The following PAPPA variants were observed in gnomAD, a reference collection of about 807,000 sequenced individuals.
PAPPA encodes pappalysin 1, also known as pappalysin-1.
In PAPPA, 60 loss-of-function variants were observed where a neutral mutation model predicts 164.0. The ratio of observed to expected loss-of-function variants is 0.37; its 90% CI spans 0.30 to 0.45. The LOEUF is 0.45. PAPPA is among the 20% of genes least tolerant of loss of function. The pLI is 1.00. For missense variants in PAPPA, 1,782 were observed against 2,087.3 expected (o/e 0.85, Z 2.85); for synonymous variants, 875 against 814.1 (o/e 1.07, Z -1.27).
Position 116,154,561 on chromosome 9 carries a change from G to T in PAPPA, c.389G>T (p.Gly130Val). 1.4e-6 allele frequency: 2 copies of T among 1,405,058 alleles called. No individual in the cohort carries two copies. The highest frequency in any genetic ancestry group is 1.9e-6 in the Non-Finnish European group (2 of 1,077,504). 87.0% of individuals were successfully genotyped at this position (1,405,058 alleles called of 1,614,324 possible). Reference protein sequence around the residue: ...TLQVWLRAEGGQRSPAVITGL... With the variant: ...TLQVWLRAEGVQRSPAVITGL... Reference sequence around the variant, plus strand: ...CAAGTGTGGCTGCGAGCGGAGGGGGGCCAGAGGTCTCCGGCAGTGATCACA... The same window carrying T: ...CAAGTGTGGCTGCGAGCGGAGGGGGTCCAGAGGTCTCCGGCAGTGATCACA... Residue 130 changes from glycine to valine, a missense_variant, in exon 1 of 22, where the codon GGC becomes GTC. Gly to Val is a moderately radical substitution (Grantham distance 109). Around this residue, in one of 2 missense-constraint regions of PAPPA, gnomAD observed 458 missense variants for 430.3 expected, o/e 1.06. Coordinates refer to ENST00000328252, the MANE Select transcript of PAPPA (RefSeq NM_002581.5). The surrounding 1 kb of genome is among the most constrained non-coding windows in gnomAD (Gnocchi z 5.2).
intron 13 of PAPPA, among the ~76,000 whole-genome samples, chr9:116,341,451 A>T (rs906748523): frequency 6.6e-6 from 1 of 152,108 alleles, no homozygotes; most frequent in Admixed American, 6.5e-5. Flanking sequence ...CTCTGCCCCA[A>T]ACCTGTGTAT....
At chr9:116,195,327 G>C (rs1430471439) in intron 2 of PAPPA, among the ~76,000 whole-genome samples, 1 of 145,260 alleles carries the variant, frequency 6.9e-6, no homozygotes, top group Non-Finnish European at 1.5e-5. Context: ...CTTAAGAGCA[G>C]AATAGAGGGG....
intron 4 of PAPPA, among the ~76,000 whole-genome samples, chr9:116,217,867 AC>A (rs1351616252): frequency 6.6e-6 from 1 of 152,184 alleles, no homozygotes; most frequent in Non-Finnish European, 1.5e-5. Flanking sequence ...TTCTGTGTGC[AC>A]TAATCTAGTC....
intron 10 of PAPPA, among the ~76,000 whole-genome samples, chr9:116,319,985 T>C (rs187505834): frequency 6.6e-6 from 1 of 152,330 alleles, no homozygotes; most frequent in East Asian, 1.9e-4. Context: ...TTGAGACATC[T>C]ATCTGTTGTC....
intron 7 of PAPPA, among the ~76,000 whole-genome samples, chr9:116,248,587 C>G (rs745372401): frequency 6.6e-6 from 1 of 152,180 alleles, no homozygotes; most frequent in Non-Finnish European, 1.5e-5. Context: ...CTAGACCCAG[C>G]CTCTCTCTTA....
rs867106756 is a variant in PAPPA, at chr9:116,235,573, C to T, written c.2668C>T (p.Arg890Trp). Residue 890 changes from arginine (R) to tryptophan (W), a missense_variant, in exon 7 of 22, where the codon CGG becomes TGG. Arg to Trp is a moderately radical substitution (Grantham distance 101). This residue lies in a region of PAPPA where 1,324 missense variants were observed against 1,656.9 expected (regional missense o/e 0.80). Coordinates refer to ENST00000328252, the MANE Select transcript of PAPPA (RefSeq NM_002581.5). ...TAAGCCCCTGAAGTATAAGGTGGTC[C>T]GGGACCCTCCTCTCCAGATGGATGT... Reference protein sequence around the residue: ...QCKPLKYKVVRDPPLQMDVAS... With the variant: ...QCKPLKYKVVWDPPLQMDVAS... 3.1e-6 allele frequency: 5 copies of T among 1,613,498 alleles called. No individual in the cohort carries two copies. The highest frequency in any genetic ancestry group is 4.2e-6 in the Non-Finnish European group (5 of 1,179,922).
chr9:116,359,386 A>G (rs1045986439), intron 17 of PAPPA, among the ~76,000 whole-genome samples: 1 of 152,226 alleles, frequency 6.6e-6, no homozygotes, highest in Non-Finnish European at 1.5e-5. Flanking sequence ...ACAGATGCAC[A>G]GGCACAGAGA....
At position 116,271,653 on chromosome 9, in the gene PAPPA, A is replaced by G. The variant is rs1032404402; in HGVS notation, c.2953+237A>G. ...AGCTTAAGCTCTCATAGATGATGCC[A>G]ATGACGGGTAACTTCTTTTGATCAA... On this transcript the variant is annotated intron_variant, in intron 9 of 21. Transcript: ENST00000328252. The surrounding 1 kb of genome is among the most constrained non-coding windows in gnomAD (Gnocchi z 4.2). Among the ~76,000 whole-genome samples the G allele has an allele frequency of 8.5e-5, 13 of 152,356 alleles. No individual in the cohort carries two copies. The highest frequency in any genetic ancestry group is 4.6e-4 in the Admixed American group (7 of 15,308).
chr9:116,154,011 C>G lies in PAPPA; in HGVS notation c.-162C>G. ...AAGGTGGGGAGAGTGGAGCACACAC[C>G]TTGAGGAGGAAAGCGAGAAAGAAAA... On this transcript the variant is annotated 5_prime_UTR_variant, in exon 1 of 22. Coordinates refer to ENST00000328252, the MANE Select transcript of PAPPA (RefSeq NM_002581.5). The surrounding 1 kb of genome is among the most constrained non-coding windows in gnomAD (Gnocchi z 5.2). The G allele has an allele frequency of 2.2e-6, 2 of 926,078 alleles. No homozygotes were observed. Among genetic ancestry groups the G allele is most frequent in the South Asian group, 4.8e-5 (2 of 42,002 alleles). The allele number at this position is 926,078 out of a possible 1,614,324, so 57.4% of individuals were successfully genotyped here. A position where few individuals can be genotyped will look rare whatever the true frequency, so the allele number is the denominator to read the frequency against.
chr9:116,221,950 A>G (rs908310887), intron 5 of PAPPA, among the ~76,000 whole-genome samples: 27 of 152,212 alleles, frequency 1.8e-4, no homozygotes, highest in Admixed American at 1.4e-3. Context: ...AATGGCTATT[A>G]CCAAAAGGAG....
chr9:116,159,891 T>C (rs1325913407), intron 1 of PAPPA, among the ~76,000 whole-genome samples: 1 of 152,100 alleles, frequency 6.6e-6, no homozygotes, highest in Admixed American at 6.6e-5. Flanking sequence ...AGGACCAGGG[T>C]CACACAAAAT....
intron 1 of PAPPA, among the ~76,000 whole-genome samples, chr9:116,169,695 A>G (rs1274392703): frequency 3.3e-5 from 5 of 151,546 alleles, no homozygotes; most frequent in African/African-American, 1.2e-4. Flanking sequence ...TCCTCCTGCA[A>G]TCTTCACCTA....
At position 116,353,627 on chromosome 9, in the gene PAPPA, C is replaced by A; in HGVS notation, c.4181C>A (p.Ala1394Asp). The change falls in exon 17 of 22, where the codon GCC (alanine) becomes GAC (aspartate). Residue 1394 changes from alanine to aspartate, a missense_variant. Physicochemically the swap from Ala to Asp is moderately radical, Grantham distance 126. Transcript: ENST00000328252. ...GTTTGATCCTTTCCTTGAAGACGGG[C>A]CTTCAAGACTCAGTGTACCCAGGAT... ...PGSSRKSKKR[A>D]FKTQCTQDGS... 6.2e-7 allele frequency: 1 copy of A among 1,613,444 alleles called. No individual in the cohort carries two copies. Among genetic ancestry groups the A allele is most frequent in the Non-Finnish European group, 8.5e-7 (1 of 1,179,678 alleles).
chr9:116,342,144 CT>C (rs1253079011), intron 13 of PAPPA, among the ~76,000 whole-genome samples: 1 of 152,234 alleles, frequency 6.6e-6, no homozygotes. Flanking sequence ...AATGCCCAAA[CT>C]GTTAGGCACA....
At chr9:116,311,100 A>T (rs75237102) in intron 10 of PAPPA, among the ~76,000 whole-genome samples, 1,807 of 149,122 alleles carry the variant, frequency 0.012, 31 homozygotes, top group African/African-American at 0.041. Context: ...TATTTGGGGC[A>T]TAGAAATTTA....
In PAPPA at chr9:116,386,920, A is replaced by G. The variant is rs559841840; in HGVS notation, c.4776+4427A>G. Among the ~76,000 whole-genome samples, 10 of 152,162 alleles carry G rather than the reference A, an allele frequency of 6.6e-5. No individual in the cohort carries two copies. In the East Asian group the frequency reaches 1.7e-3, roughly 27 times the overall value. Reference sequence around the variant, plus strand: ...GAAGAAAGTTCTGGTTTTTGTTTCCATCTTCCACCGCAGGAAGCCTCTCAG... The same window carrying G: ...GAAGAAAGTTCTGGTTTTTGTTTCCGTCTTCCACCGCAGGAAGCCTCTCAG... On this transcript the variant is annotated intron_variant, in intron 21 of 21. Transcript: ENST00000328252.
intron 3 of PAPPA, among the ~76,000 whole-genome samples, chr9:116,210,253 C>T (rs1172602567): frequency 6.6e-6 from 1 of 152,136 alleles, no homozygotes; most frequent in African/African-American, 2.4e-5. Context: ...CTAAGCAATT[C>T]AAAATTGCTC....
chr9:116,396,051 G>C (rs1468413178), intron 21 of PAPPA, among the ~76,000 whole-genome samples: 1 of 152,044 alleles, frequency 6.6e-6, no homozygotes, highest in East Asian at 1.9e-4. Flanking sequence ...ATACAAAGTG[G>C]GTCTTATTAT....
intron 7 of PAPPA, among the ~76,000 whole-genome samples, chr9:116,239,933 A>G (rs1844716457): frequency 6.6e-6 from 1 of 152,180 alleles, no homozygotes; most frequent in African/African-American, 2.4e-5. Context: ...AATAACACAA[A>G]TTACACAGAC....
Sources: gnomAD v4.1 joint callset for allele counts (sites outside exome capture counted in the v4.1 genomes callset) on GRCh38, gnomAD v4.1.1 for gene constraint, gnomAD v4.1.1 regional missense constraint, Gnocchi (gnomAD v3.1) non-coding constraint, MANE v1.5 for transcripts, NCBI Gene and HGNC (gene_info 2026-07-23, HGNC 2026-07-21) for gene names.